Variants in TEX264 observed in about 807,000 individuals in gnomAD.
TEX264 encodes the protein testis expressed 264, ER-phagy receptor.
In TEX264, 13 loss-of-function variants were observed where a neutral mutation model predicts 23.4. The observed-to-expected ratio is 0.56, with a 90% CI of 0.36 to 0.88. TEX264 has a LOEUF of 0.88. Ranked by LOEUF, TEX264 falls within the 40% of genes least tolerant of loss-of-function variation. The probability of loss-of-function intolerance (pLI) is 0.01; values close to 1 mark genes in which losing one functional copy is unlikely to be tolerated. For missense variants in TEX264, 340 were observed against 406.8 expected, an observed-to-expected ratio of 0.84 and a Z score of 1.41; for synonymous variants, 159 against 170.0, an observed-to-expected ratio of 0.94 and a Z score of 0.50.
chr3:51,684,508 T>G lies in TEX264; in HGVS notation c.354T>G (p.Phe118Leu), dbSNP rs1328011009. 1.2e-6 allele frequency: 2 copies of G among 1,614,194 alleles called. No individual in the cohort carries two copies. The highest frequency in any genetic ancestry group is 1.1e-5 in the South Asian group (1 of 91,086). Residue 118 changes from phenylalanine to leucine, a missense_variant, in exon 3 of 5, where the codon TTT becomes TTG. Coordinates refer to ENST00000341333, the MANE Select transcript of TEX264 (RefSeq NM_015926.6). Reference protein sequence around the residue: ...SPELIDLYQKFGFKVFSFPAP... With the variant: ...SPELIDLYQKLGFKVFSFPAP... Reference sequence around the variant, plus strand: ...AGCTCATCGACCTCTACCAGAAATTTGGCTTCAAGGTGTTCTCCTTCCCGG... The same window carrying G: ...AGCTCATCGACCTCTACCAGAAATTGGGCTTCAAGGTGTTCTCCTTCCCGG...
intron 2 of TEX264, among the ~76,000 whole-genome samples, chr3:51,677,321 C>G (rs758652620): frequency 5.9e-5 from 9 of 152,190 alleles, no homozygotes; most frequent in Non-Finnish European, 1.0e-4. Flanking sequence ...GGAAAGGCCC[C>G]ATCCTGGTCC....
At position 51,703,965 on chromosome 3, in the gene TEX264, G is replaced by T; in HGVS notation, c.891G>T (p.Gly297=). ...SRLDPGTEPL[G]TTKWLWEPTA... ...TGGACCCTGGGACTGAGCCCCTGGG[G>T]ACTACCAAGTGGCTCTGGGAGCCCA... The change falls in exon 5 of 5, where the codon GGG becomes GGT. Residue 297 remains glycine, a synonymous_variant. Transcript: ENST00000341333. This position sits in a 1 kb window ranked among gnomAD's most constrained non-coding sequence, Gnocchi z 4.8. The T allele has an allele frequency of 6.4e-7, 1 of 1,571,608 alleles. No homozygotes were observed. Among genetic ancestry groups the T allele is most frequent in the Non-Finnish European group, 8.7e-7 (1 of 1,154,018 alleles).
chr3:51,695,174 G>C (rs1361476650), intron 3 of TEX264, among the ~76,000 whole-genome samples: 4 of 152,266 alleles, frequency 2.6e-5, no homozygotes, highest in Non-Finnish European at 5.9e-5. Flanking sequence ...CTGTGCAGCT[G>C]CCTGGGTATC....
chr3:51,673,949 G>A (rs971189437), intron 1 of TEX264, among the ~76,000 whole-genome samples: 3 of 152,120 alleles, frequency 2.0e-5, no homozygotes, highest in East Asian at 3.9e-4. Context: ...GTCAGGGCCC[G>A]GAGTATGTCT....
chr3:51,702,176 G>C (rs919414346), intron 4 of TEX264, among the ~76,000 whole-genome samples: 3 of 152,156 alleles, frequency 2.0e-5, no homozygotes, highest in African/African-American at 7.2e-5. Flanking sequence ...GGGAGAAACT[G>C]TCTCCCTCCT....
intron 2 of TEX264, among the ~76,000 whole-genome samples, chr3:51,679,096 A>G (rs1702332739): frequency 6.6e-6 from 1 of 152,130 alleles, no homozygotes; most frequent in African/African-American, 2.4e-5. Context: ...GAGGTGTGAG[A>G]GGAAGGGGCT....
rs561310082 is a variant in TEX264 at position 51,694,289 on chromosome 3, C to G, written c.481-5117C>G. ...GGGATTACATGCACCTGTCACCACA[C>G]CTGGTTAATTTTTGTATTTGTAGTA... On this transcript the variant is annotated intron_variant, in intron 3 of 4. Coordinates refer to ENST00000341333, the MANE Select transcript of TEX264 (RefSeq NM_015926.6). Among the ~76,000 whole-genome samples, 10 of 152,234 alleles carry G rather than the reference C, an allele frequency of 6.6e-5. No individual in the cohort carries two copies. In the East Asian group the frequency reaches 1.5e-3, roughly 24 times the overall value.
At position 51,704,299 on chromosome 3, in the gene TEX264, C is replaced by A; in HGVS notation, c.*283C>A. 2.7e-5 allele frequency: 8 copies of A among 299,894 alleles called. No homozygotes were observed. The highest frequency in any genetic ancestry group is 1.0e-4 in the Admixed American group (2 of 19,938). The allele number at this position is 299,894 out of a possible 1,614,324, so 18.6% of individuals were successfully genotyped here. A position where few individuals can be genotyped will look rare whatever the true frequency, so the allele number is the denominator to read the frequency against. On this transcript the variant is annotated 3_prime_UTR_variant, in exon 5 of 5. Transcript: ENST00000341333. ...GAGCTTCCAGGACCCAGAATAAAGC[C>A]AATGATTTACTTGTTTCACCTGGAT... is the stretch of plus-strand genomic sequence containing the variant.
chr3:51,679,198 C>T (rs1310443570), intron 2 of TEX264, among the ~76,000 whole-genome samples: 1 of 152,170 alleles, frequency 6.6e-6, no homozygotes, highest in Non-Finnish European at 1.5e-5. Context: ...AGTATGTCTC[C>T]TCATCTGTCA....
rs565616106 is a variant in TEX264 at position 51,686,924 on chromosome 3, C to T, written c.480+2290C>T. 5.9e-4 allele frequency among the ~76,000 whole-genome samples: 90 copies of T among 152,310 alleles called. No individual in the cohort carries two copies. Among genetic ancestry groups the T allele is most frequent in the Non-Finnish European group, 1.1e-3 (76 of 68,028 alleles). ...TGGTGAGCAACTCAGCCACCAAAGC[C>T]TTTTCCTGGCTTCAGGGGTTTATTT... On this transcript the variant is annotated intron_variant, in intron 3 of 4. Transcript: ENST00000341333. This position sits in a 1 kb window ranked among gnomAD's most constrained non-coding sequence, Gnocchi z 4.1.
intron 3 of TEX264, among the ~76,000 whole-genome samples, chr3:51,685,328 A>G (rs1260790701): frequency 6.6e-6 from 1 of 152,208 alleles, no homozygotes; most frequent in Non-Finnish European, 1.5e-5. Context: ...CTTGGACGTG[A>G]TTGTTCATTC....
intron 3 of TEX264, among the ~76,000 whole-genome samples, chr3:51,689,436 A>C (rs1702744296): frequency 6.6e-6 from 1 of 151,030 alleles, no homozygotes; most frequent in Admixed American, 6.6e-5. Flanking sequence ...TCTCAAAAAA[A>C]TAAAAGTAAA....
chr3:51,684,318 T>C, intron 2 of TEX264, 95 bp from the exon 3 acceptor site: 1 of 1,149,038 alleles, frequency 8.7e-7, no homozygotes. Flanking sequence ...AGCTGCTGGT[T>C]CTTTTAGGCC....
intron 3 of TEX264, among the ~76,000 whole-genome samples, chr3:51,687,939 C>T (rs974372253): frequency 2.0e-5 from 3 of 152,242 alleles, no homozygotes; most frequent in African/African-American, 7.2e-5. Flanking sequence ...GTTTGCATGG[C>T]AGCCTCTGGC....
chr3:51,702,634 C>T (rs1703355434), intron 4 of TEX264, among the ~76,000 whole-genome samples: 1 of 152,240 alleles, frequency 6.6e-6, no homozygotes, highest in Non-Finnish European at 1.5e-5. Flanking sequence ...TGGCTAACCC[C>T]TCACCTTCTG....
chr3:51,703,944 C>T lies in TEX264; in HGVS notation c.870C>T (p.Asp290=), dbSNP rs1386083962. 7 of 1,591,842 alleles carry T rather than the reference C, an allele frequency of 4.4e-6. No homozygotes were observed. Among genetic ancestry groups the T allele is most frequent in the Non-Finnish European group, 6.0e-6 (7 of 1,165,206 alleles). Reference sequence around the variant, plus strand: ...GGCCCTTAGGGGAGTCACGGCTGGACCCTGGGACTGAGCCCCTGGGGACTA... The same window carrying T: ...GGCCCTTAGGGGAGTCACGGCTGGATCCTGGGACTGAGCCCCTGGGGACTA... ...GEGPLGESRL[D]PGTEPLGTTK... The change falls in exon 5 of 5, where the codon GAC becomes GAT. Residue 290 remains aspartate (D), a synonymous_variant. Transcript: ENST00000341333. This position sits in a 1 kb window ranked among gnomAD's most constrained non-coding sequence, Gnocchi z 4.8.
chr3:51,679,350 G>A (rs1702343288), intron 2 of TEX264, among the ~76,000 whole-genome samples: 1 of 152,190 alleles, frequency 6.6e-6, no homozygotes, highest in Non-Finnish European at 1.5e-5. Context: ...ATGCCACTGG[G>A]ACTTTGTACT....
chr3:51,700,112 G>A (rs1286061351), intron 4 of TEX264, among the ~76,000 whole-genome samples: 2 of 152,110 alleles, frequency 1.3e-5, no homozygotes, highest in Non-Finnish European at 2.9e-5. Context: ...TTTCTCCAGG[G>A]CCAGCCCACA....
chr3:51,671,903 A>G (rs2106882481), intron 1 of TEX264: 1 of 152,314 alleles, frequency 6.6e-6, no homozygotes, highest in East Asian at 1.9e-4. Context: ...GCTCGCTGGC[A>G]CCGGCCGCAC....
Sources: gnomAD v4.1 joint callset for allele counts (sites outside exome capture counted in the v4.1 genomes callset) on GRCh38, gnomAD v4.1.1 for gene constraint, Gnocchi (gnomAD v3.1) non-coding constraint, MANE v1.5 for transcripts, NCBI Gene and HGNC (gene_info 2026-07-23, HGNC 2026-07-21) for gene names.